The following SENP7 variants were observed in gnomAD, a reference collection of about 807,000 sequenced individuals.
The protein encoded by SENP7 is sentrin-specific protease 7.
In SENP7, 64 loss-of-function variants were observed where a neutral mutation model predicts 141.2. The ratio of observed to expected loss-of-function variants is 0.45; its 90% confidence interval spans 0.37 to 0.56. The LOEUF (loss-of-function observed/expected upper bound fraction) is 0.56, where lower values mean the gene tolerates loss of function less well. SENP7 is among the 20% of genes least tolerant of loss of function. SENP7 has a pLI of 0.00. For missense variants in SENP7, 1,025 were observed against 1,212.2 expected, an observed-to-expected ratio of 0.85 and a Z score of 2.29; for synonymous variants, 382 against 426.4, an observed-to-expected ratio of 0.90 and a Z score of 1.28.
intron 3 of SENP7, among the ~76,000 whole-genome samples, chr3:101,492,125 C>T (rs974527870): frequency 2.0e-5 from 3 of 151,558 alleles, no homozygotes; most frequent in East Asian, 3.9e-4. Context: ...GAGCCAAGTG[C>T]GGGGGCTCAC....
chr3:101,487,637 A>G (rs1230431102), intron 3 of SENP7, among the ~76,000 whole-genome samples: 6 of 152,194 alleles, frequency 3.9e-5, no homozygotes, highest in Non-Finnish European at 8.8e-5. Context: ...TAATTTTTGT[A>G]TATGGTAAAA....
intron 3 of SENP7, among the ~76,000 whole-genome samples, chr3:101,477,268 A>G (rs1456386570): frequency 1.3e-5 from 2 of 152,208 alleles, no homozygotes; most frequent in African/African-American, 2.4e-5. Flanking sequence ...ATGGAAAAAA[A>G]AATTAGAAAC....
At chr3:101,367,255 C>T (rs79794509) in intron 8 of SENP7, among the ~76,000 whole-genome samples, 20,944 of 152,004 alleles carry the variant, frequency 0.14, 1,467 homozygotes, top group South Asian at 0.18. Context: ...AACCCAAAAA[C>T]ATTACAAGGT....
chr3:101,417,915 T>C lies in SENP7; in HGVS notation c.285-125A>G, dbSNP rs904867604. The C allele has an allele frequency of 5.7e-6, 4 of 706,770 alleles. No individual in the cohort carries two copies. In the East Asian group the frequency reaches 1.1e-4, roughly 20 times the overall value. The allele number at this position is 706,770 out of a possible 1,614,324, so 43.8% of individuals were successfully genotyped here. A position where few individuals can be genotyped will look rare whatever the true frequency, so the allele number is the denominator to read the frequency against. On this transcript the variant is annotated intron_variant, in intron 4 of 23. Coordinates refer to ENST00000394095, the MANE Select transcript of SENP7 (RefSeq NM_020654.5). ...CCTCAAGCAACTATAGTAAATACCC[T>C]AAGAAAAAAGAAAAAATGCCTAACT...
intron 3 of SENP7, among the ~76,000 whole-genome samples, chr3:101,472,161 C>A (rs2064025090): frequency 2.0e-5 from 3 of 152,200 alleles, no homozygotes; most frequent in Admixed American, 1.3e-4. Context: ...GGTATACACC[C>A]AAAGGATTAT....
At chr3:101,436,181 C>T (rs966727259) in intron 4 of SENP7, among the ~76,000 whole-genome samples, 3 of 152,046 alleles carry the variant, frequency 2.0e-5, no homozygotes, top group Non-Finnish European at 2.9e-5. Flanking sequence ...TGGAAAGACA[C>T]CTCTTCATTA....
intron 1 of SENP7, among the ~76,000 whole-genome samples, chr3:101,503,349 C>T (rs527642276): frequency 2.6e-5 from 4 of 152,232 alleles, no homozygotes; most frequent in South Asian, 4.1e-4. Context: ...AAGTTAGACA[C>T]CTGCCTATGC....
chr3:101,412,623 T>C (rs1197410792), intron 5 of SENP7, among the ~76,000 whole-genome samples: 1 of 152,068 alleles, frequency 6.6e-6, no homozygotes, highest in Non-Finnish European at 1.5e-5. Context: ...TACCAGCAGC[T>C]AACTCTTCTT....
At chr3:101,383,420 T>G (rs1445060669) in intron 6 of SENP7, among the ~76,000 whole-genome samples, 1 of 152,120 alleles carries the variant, frequency 6.6e-6, no homozygotes, top group Admixed American at 6.5e-5. Context: ...CCCACCCTCC[T>G]TCCAAGTTGG....
rs148769090 is a variant in SENP7, at chr3:101,470,265, G to A, written c.187-11213C>T. Among the ~76,000 whole-genome samples, 557 of 152,116 alleles carry A rather than the reference G, an allele frequency of 3.7e-3. 5 individuals are homozygous for A. The highest frequency in any genetic ancestry group is 0.01 in the African/African-American group (432 of 41,502). ...AGGAGATAGAGACACAAGGAGATTC[G>A]GCAAACCGAATCCAGCAGCACATCA... On this transcript the variant is annotated intron_variant, in intron 3 of 23. Transcript: ENST00000394095.
chr3:101,507,492 T>TTGG (rs1382857974), intron 1 of SENP7, among the ~76,000 whole-genome samples: 3 of 152,202 alleles, frequency 2.0e-5, no homozygotes, highest in Non-Finnish European at 4.4e-5. Flanking sequence ...ACCAAATTCT[T>TTGG]TTCCAAAGTC....
chr3:101,383,066 T>C (rs1395930269), intron 6 of SENP7, among the ~76,000 whole-genome samples: 2 of 152,208 alleles, frequency 1.3e-5, no homozygotes. Flanking sequence ...TGGATAATTG[T>C]CCCTGACCAA....
intron 4 of SENP7, among the ~76,000 whole-genome samples, chr3:101,429,281 G>A (rs1300620658): frequency 1.3e-5 from 2 of 152,218 alleles, no homozygotes; most frequent in East Asian, 3.9e-4. Context: ...AATTACTTTG[G>A]GCATTATGGC....
chr3:101,446,679 A>C (rs2062909451), intron 4 of SENP7, among the ~76,000 whole-genome samples: 1 of 152,204 alleles, frequency 6.6e-6, no homozygotes, highest in South Asian at 2.1e-4. Flanking sequence ...ACTAGGTCTG[A>C]AGAAATTAAA....
At chr3:101,346,460 C>A (rs952302665) in intron 13 of SENP7, among the ~76,000 whole-genome samples, 6 of 152,122 alleles carry the variant, frequency 3.9e-5, no homozygotes, top group Admixed American at 1.3e-4. Context: ...CTTGCACACA[C>A]GTTTATAGCA....
At chr3:101,482,429 A>T (rs1344277122) in intron 3 of SENP7, among the ~76,000 whole-genome samples, 1 of 152,226 alleles carries the variant, frequency 6.6e-6, no homozygotes, top group East Asian at 1.9e-4. Flanking sequence ...CCAAATACAC[A>T]GAAAAATATT....
intron 12 of SENP7, among the ~76,000 whole-genome samples, chr3:101,349,723 G>A (rs1427032181): frequency 6.6e-6 from 1 of 151,792 alleles, no homozygotes; most frequent in Non-Finnish European, 1.5e-5. Context: ...TTAAAAAAAG[G>A]GAATTTAACA....
At chr3:101,504,694 T>C (rs1416442846) in intron 1 of SENP7, among the ~76,000 whole-genome samples, 1 of 152,150 alleles carries the variant, frequency 6.6e-6, no homozygotes, top group Non-Finnish European at 1.5e-5. Flanking sequence ...ACTCACGTCT[T>C]TTACAGTAAC....
At chr3:101,454,714 CATT>C (rs2063292503) in intron 4 of SENP7, among the ~76,000 whole-genome samples, 2 of 152,046 alleles carry the variant, frequency 1.3e-5, no homozygotes. Flanking sequence ...ACCTCAAAAA[CATT>C]ATGCTCAGTG....
Sources: gnomAD v4.1 joint callset for allele counts (sites outside exome capture counted in the v4.1 genomes callset) on GRCh38, gnomAD v4.1.1 for gene constraint, MANE v1.5 for transcripts, NCBI Gene and HGNC (gene_info 2026-07-23, HGNC 2026-07-21) for gene names.